Variants in RNF128 observed in about 807,000 individuals in gnomAD.
The protein encoded by RNF128 is E3 ubiquitin-protein ligase RNF128.
RNF128 carries 13 observed loss-of-function variants against 26.2 expected under a neutral mutation model. That is an observed-to-expected ratio of 0.50 (90% CI 0.32 to 0.79). The LOEUF (loss-of-function observed/expected upper bound fraction) is 0.79. Among genes scored for constraint, RNF128 ranks in the 30% least tolerant of loss-of-function variants. The pLI is 0.03. For synonymous variants in RNF128, 149 were observed against 142.5 expected, an observed-to-expected ratio of 1.05 and a Z score of -0.32; for missense variants, 315 against 349.7, an observed-to-expected ratio of 0.90 and a Z score of 0.79.
In RNF128 at chrX:106,739,971, C is replaced by T. The variant is rs969748638; in HGVS notation, c.484+12574C>T. On this transcript the variant is annotated intron_variant, in intron 1 of 6. Transcript: ENST00000255499. ...CCAGGTCAAAATGAATACCTAATCT[C>T]TCAACATAATATTCTTCCTAACTTT... is the stretch of plus-strand genomic sequence containing the variant. Among the ~76,000 whole-genome samples the T allele has an allele frequency of 3.6e-5, 4 of 111,617 alleles. No homozygotes were observed. In the South Asian group the frequency reaches 1.5e-3, roughly 42 times the overall value.
chrX:106,724,464 T>A (rs776911695), upstream of RNF128, among the ~76,000 whole-genome samples: 42 of 111,398 alleles, frequency 3.8e-4, no homozygotes, highest in African/African-American at 1.3e-3. Context: ...TTGGATAAAG[T>A]CTAAACTCCC....
chrX:106,756,509 G>T (rs1189744501), intron 1 of RNF128, among the ~76,000 whole-genome samples: 1 of 110,028 alleles, frequency 9.1e-6, no homozygotes, highest in Non-Finnish European at 1.9e-5. Flanking sequence ...TTTAATAAAT[G>T]GTGCTGGGAA....
At chrX:106,771,784 G>A (rs1384582930) in intron 1 of RNF128, among the ~76,000 whole-genome samples, 1 of 112,727 alleles carries the variant, frequency 8.9e-6, no homozygotes, top group Non-Finnish European at 1.9e-5. Flanking sequence ...CAGTACCTCA[G>A]TTGGAAATGC....
intron 2 of RNF128, among the ~76,000 whole-genome samples, chrX:106,774,885 A>G (rs1369595269): frequency 4.5e-5 from 5 of 112,297 alleles, no homozygotes; most frequent in African/African-American, 6.5e-5. Context: ...AAGGAACTCA[A>G]TTTATTTAGG....
At chrX:106,773,446 A>AT (rs749638937) in intron 2 of RNF128, among the ~76,000 whole-genome samples, 2 of 112,036 alleles carry the variant, frequency 1.8e-5, no homozygotes. Flanking sequence ...TTAAATAAAC[A>AT]TTTTTTTCTA....
At chrX:106,775,464 TA>T (rs1385127640) in intron 2 of RNF128, among the ~76,000 whole-genome samples, 3 of 112,066 alleles carry the variant, frequency 2.7e-5, no homozygotes, top group Non-Finnish European at 5.6e-5. Flanking sequence ...TTTCATAGTT[TA>T]TAATACATCT....
intron 1 of RNF128, among the ~76,000 whole-genome samples, chrX:106,759,691 GAC>G (rs1021190544): frequency 9.8e-5 from 11 of 111,918 alleles, no homozygotes; most frequent in Non-Finnish European, 2.1e-4. Context: ...GGCACAGAAA[GAC>G]AAACTTTGCA....
chrX:106,693,889 T>A, exon 1 of RNF128: 1 of 585,098 alleles, frequency 1.7e-6, no homozygotes. Context: ...ATCAGTTACC[T>A]ACGTGCAACT....
At chrX:106,759,114 A>T (rs1239398106) in intron 1 of RNF128, among the ~76,000 whole-genome samples, 1 of 112,299 alleles carries the variant, frequency 8.9e-6, no homozygotes, top group East Asian at 2.8e-4. Flanking sequence ...CCGATTAAAA[A>T]TGGACAAAAG....
At chrX:106,786,929 A>G (rs765501604) in intron 3 of RNF128, among the ~76,000 whole-genome samples, 1 of 111,842 alleles carries the variant, frequency 8.9e-6, no homozygotes, top group Non-Finnish European at 1.9e-5. Flanking sequence ...AGAATGGCTA[A>G]AATGCATACA....
chrX:106,777,542 G>A (rs1162667105), intron 2 of RNF128, among the ~76,000 whole-genome samples: 1 of 111,507 alleles, frequency 9.0e-6, no homozygotes, highest in Non-Finnish European at 1.9e-5. Context: ...TCAACCACAC[G>A]AATCCACTTT....
chrX:106,758,728 T>C (rs1486692514), intron 1 of RNF128, among the ~76,000 whole-genome samples: 1 of 111,870 alleles, frequency 8.9e-6, no homozygotes, highest in Non-Finnish European at 1.9e-5. Flanking sequence ...TGCATATCCA[T>C]GTGCAGAAGA....
intron 1 of RNF128, among the ~76,000 whole-genome samples, chrX:106,728,406 G>A (rs985081045): frequency 3.6e-5 from 4 of 111,963 alleles, no homozygotes; most frequent in Non-Finnish European, 7.5e-5. Context: ...TCTCTCATCA[G>A]TCAAATGAGA....
At chrX:106,743,994 A>G (rs991654590) in intron 1 of RNF128, among the ~76,000 whole-genome samples, 2 of 110,795 alleles carry the variant, frequency 1.8e-5, no homozygotes, top group Non-Finnish European at 3.8e-5. Flanking sequence ...TCAGCAAACT[A>G]TCACAAGGAC....
At position 106,755,814 on chromosome X, in the gene RNF128, A is replaced by G. The variant is rs923607012; in HGVS notation, c.485-17099A>G. Among the ~76,000 whole-genome samples, 13 of 110,931 alleles carry G rather than the reference A, an allele frequency of 1.2e-4. No individual in the cohort carries two copies. The East Asian group carries it at 2.0e-3, about 17-fold the overall frequency. ...CAAATTGTCCCTGTTTGCAGATGAC[A>G]TGATTGTATATCTAGAAAACCCCAT... On this transcript the variant is annotated intron_variant, in intron 1 of 6. Coordinates refer to ENST00000255499, the MANE Select transcript of RNF128 (RefSeq NM_194463.2).
intron 1 of RNF128, among the ~76,000 whole-genome samples, chrX:106,707,171 A>G (rs1929056509): frequency 8.9e-6 from 1 of 112,102 alleles, no homozygotes; most frequent in Non-Finnish European, 1.9e-5. Context: ...ATTAAAAAAT[A>G]CATAATTTCC....
At chrX:106,742,757 A>G (rs925774381) in intron 1 of RNF128, among the ~76,000 whole-genome samples, 5 of 111,418 alleles carry the variant, frequency 4.5e-5, no homozygotes, top group African/African-American at 1.6e-4. Context: ...ACCAAACTGT[A>G]TTAATTGTAT....
At position 106,726,876 on chromosome X, in the gene RNF128, G is replaced by C. The variant is rs894727813; in HGVS notation, c.-38G>C. The C allele has an allele frequency of 8.8e-7, 1 of 1,135,644 alleles. No homozygotes were observed. Among genetic ancestry groups the C allele is most frequent in the Non-Finnish European group, 1.2e-6 (1 of 862,269 alleles). 93.6% of individuals were successfully genotyped at this position (1,135,644 alleles called of 1,213,427 possible). ...GTCCTGCCAAGCGCTAGGAGGGCGC[G>C]TGCCAGGGGCGCTAGGGAACTGCGG... On this transcript the variant is annotated 5_prime_UTR_variant, in exon 1 of 7. Coordinates refer to ENST00000255499, the MANE Select transcript of RNF128 (RefSeq NM_194463.2).
chrX:106,714,727 C>G (rs1350030180), intron 1 of RNF128, among the ~76,000 whole-genome samples: 1 of 111,998 alleles, frequency 8.9e-6, no homozygotes, highest in African/African-American at 3.2e-5. Context: ...CCCTTATTAA[C>G]TCTGGGCAAC....
Sources: gnomAD v4.1 joint callset for allele counts (sites outside exome capture counted in the v4.1 genomes callset) on GRCh38, gnomAD v4.1.1 for gene constraint, MANE v1.5 for transcripts, NCBI Gene and HGNC (gene_info 2026-07-23, HGNC 2026-07-21) for gene names.